The following FANCD2 variants were observed in gnomAD, a reference collection of about 807,000 sequenced individuals.
FANCD2 encodes Fanconi anemia group D2 protein.
A neutral mutation model predicts 192.3 loss-of-function variants in FANCD2; 131 were observed. That is an observed-to-expected ratio of 0.68 (90% CI 0.59 to 0.79). FANCD2 has a LOEUF of 0.79. Ranked by LOEUF, FANCD2 falls within the 30% of genes least tolerant of loss-of-function variation. FANCD2 has a pLI of 0.00. For synonymous variants in FANCD2, 524 were observed against 612.5 expected (o/e 0.86, Z 2.13); for missense variants, 1,508 against 1,701.6 (o/e 0.89, Z 2.00).
chr3:10,054,475 T>A (rs865952043), intron 18 of FANCD2, among the ~76,000 whole-genome samples: 39 of 26,708 alleles, frequency 1.5e-3, no homozygotes, highest in African/African-American at 1.9e-3. Flanking sequence ...ATATATATAT[T>A]TTTTTTTTTT....
chr3:10,051,027 A>G (rs2087186740), intron 17 of FANCD2, among the ~76,000 whole-genome samples: 1 of 151,660 alleles, frequency 6.6e-6, no homozygotes, highest in South Asian at 2.1e-4. Flanking sequence ...TGGAGGTTGC[A>G]GTGAGCTGAG....
chr3:10,065,992 A>G lies in FANCD2; in HGVS notation c.2385+13A>G, dbSNP rs1251844534. ...CTGGTTCCGAGAGGTGAGCAGAGTT[A>G]ATAGGATGTTTCACTTATTGTGCAT... On this transcript the variant is annotated intron_variant, in intron 25 of 43. Coordinates refer to ENST00000675286, the MANE Select transcript of FANCD2 (RefSeq NM_001018115.3). 2 of 1,467,864 alleles carry G rather than the reference A, an allele frequency of 1.4e-6. No individual in the cohort carries two copies. Among genetic ancestry groups the G allele is most frequent in the South Asian group, 1.1e-5 (1 of 88,106 alleles). 90.9% of individuals were successfully genotyped at this position (1,467,864 alleles called of 1,614,324 possible).
At chr3:10,068,115 T>C (rs1457305096) in intron 26 of FANCD2, among the ~76,000 whole-genome samples, 1 of 151,934 alleles carries the variant, frequency 6.6e-6, no homozygotes, top group Admixed American at 6.6e-5. Context: ...TATTATAAAA[T>C]ACAGTATTGG....
chr3:10,030,805 C>A (rs1444493706), intron 2 of FANCD2, among the ~76,000 whole-genome samples: 2 of 152,014 alleles, frequency 1.3e-5, no homozygotes, highest in Non-Finnish European at 2.9e-5. Flanking sequence ...GAGGCTGAGG[C>A]AGGGGAATTG....
chr3:10,091,092 T>G (rs1324108933), intron 37 of FANCD2, among the ~76,000 whole-genome samples: 3 of 151,426 alleles, frequency 2.0e-5, no homozygotes, highest in African/African-American at 4.8e-5. Context: ...CTTTTTTTTT[T>G]CTTTTTGAGA....
Position 10,050,580 on chromosome 3 carries a change from A to G in FANCD2, c.1545+1075A>G, listed in dbSNP as rs1207808258. On this transcript the variant is annotated intron_variant, in intron 17 of 43. Coordinates refer to ENST00000675286, the MANE Select transcript of FANCD2 (RefSeq NM_001018115.3). ...GGAGCTTGCAGTGAGCCAAGATAAC[A>G]CCACTGCACTCCAGTCTGGGCGACA... Among the ~76,000 whole-genome samples the G allele has an allele frequency of 1.2e-4, 17 of 137,908 alleles. 1 individual carries two copies. Among genetic ancestry groups the G allele is most frequent in the South Asian group, 2.4e-4 (1 of 4,234 alleles). 90.5% of individuals were successfully genotyped at this position (137,908 alleles called of 152,430 possible). A position where few individuals can be genotyped will look rare whatever the true frequency, so the allele number is the denominator to read the frequency against.
chr3:10,073,996 A>G (rs1394324799), intron 28 of FANCD2, among the ~76,000 whole-genome samples: 2 of 152,092 alleles, frequency 1.3e-5, no homozygotes, highest in Non-Finnish European at 2.9e-5. Context: ...CCCAGGCTGG[A>G]GTGCAGTGGC....
intron 17 of FANCD2, among the ~76,000 whole-genome samples, chr3:10,051,113 G>A (rs1172423267): frequency 1.0e-4 from 15 of 149,560 alleles, no homozygotes. Flanking sequence ...GGGCGCGGTG[G>A]CTCACGCCTG....
intron 2 of FANCD2, among the ~76,000 whole-genome samples, chr3:10,029,866 C>T (rs2086547792): frequency 6.6e-6 from 1 of 152,130 alleles, no homozygotes; most frequent in Admixed American, 6.6e-5. Flanking sequence ...TCACTGCAAC[C>T]TCCACCTCCC....
rs1693052331 is a variant in FANCD2, at chr3:10,069,585, C to T, written c.2494+2268C>T. On this transcript the variant is annotated intron_variant, in intron 26 of 43. Coordinates refer to ENST00000675286, the MANE Select transcript of FANCD2 (RefSeq NM_001018115.3). ...TGCCTGATTCTCCTGCCTCAGCCTG[C>T]CGAGTGCCTGCGATTGCAGGCGCGC... Among the ~76,000 whole-genome samples, 3 of 151,416 alleles carry T rather than the reference C, an allele frequency of 2.0e-5. No homozygotes were observed. In the South Asian group the frequency reaches 6.2e-4, roughly 32 times the overall value.
At chr3:10,057,790 T>TA (rs755084399) in intron 18 of FANCD2, among the ~76,000 whole-genome samples, 37 of 152,024 alleles carry the variant, frequency 2.4e-4, no homozygotes, top group Admixed American at 3.9e-4. Context: ...CTATTAAAAT[T>TA]AAAAAAAACA....
intron 18 of FANCD2, among the ~76,000 whole-genome samples, chr3:10,055,113 C>T (rs1379935832): frequency 1.3e-5 from 2 of 152,130 alleles, no homozygotes; most frequent in Non-Finnish European, 2.9e-5. Context: ...TGCTTCAAAT[C>T]AGCAATATAA....
chr3:10,030,774 T>C (rs28405546), intron 2 of FANCD2, among the ~76,000 whole-genome samples: 34,384 of 151,894 alleles, frequency 0.23, 5,041 homozygotes, highest in African/African-American at 0.42. Context: ...GTGTCACGTG[T>C]CTGTAATCTC....
intron 15 of FANCD2, among the ~76,000 whole-genome samples, chr3:10,047,252 A>C (rs186011151): frequency 6.6e-6 from 1 of 152,412 alleles, no homozygotes; most frequent in Admixed American, 6.5e-5. Context: ...TTTATCTTGC[A>C]GTTCTTTCTG....
At chr3:10,092,465 C>T (rs1400768673) in intron 38 of FANCD2, among the ~76,000 whole-genome samples, 3 of 151,122 alleles carry the variant, frequency 2.0e-5, no homozygotes, top group East Asian at 1.9e-4. Flanking sequence ...CTTCCTCCTA[C>T]TTATGCCACA....
chr3:10,075,345 G>A (rs1409378707), intron 29 of FANCD2, among the ~76,000 whole-genome samples: 8 of 151,978 alleles, frequency 5.3e-5, no homozygotes, highest in Admixed American at 4.6e-4. Context: ...CATCACACCC[G>A]GCTAATTTTT....
chr3:10,048,513 C>T (rs2125004594), intron 16 of FANCD2, among the ~76,000 whole-genome samples: 1 of 152,262 alleles, frequency 6.6e-6, no homozygotes, highest in East Asian at 1.9e-4. Flanking sequence ...CCATGTTGGC[C>T]AGGCTGGTCT....
chr3:10,041,273 C>T (rs2086857649), intron 9 of FANCD2: 1 of 289,764 alleles, frequency 3.5e-6, no homozygotes, highest in Non-Finnish European at 6.6e-6. Context: ...GTAGCACCAC[C>T]TACATGTGTC....
chr3:10,054,473 AT>A (rs55719769), intron 18 of FANCD2, among the ~76,000 whole-genome samples: 19 of 8,368 alleles, frequency 2.3e-3, no homozygotes, highest in African/African-American at 3.5e-3. Flanking sequence ...ATATATATAT[AT>A]TTTTTTTTTT....
Sources: gnomAD v4.1 joint callset for allele counts (sites outside exome capture counted in the v4.1 genomes callset) on GRCh38, gnomAD v4.1.1 for gene constraint, MANE v1.5 for transcripts, NCBI Gene and HGNC (gene_info 2026-07-23, HGNC 2026-07-21) for gene names.